The following ZNF574 variants were observed in gnomAD, a reference collection of about 807,000 sequenced individuals.
The protein encoded by ZNF574 is zinc finger protein 574.
A neutral mutation model predicts 56.6 loss-of-function variants in ZNF574; 25 were observed. The ratio of observed to expected loss-of-function variants is 0.44; its 90% confidence interval spans 0.32 to 0.62. The LOEUF (loss-of-function observed/expected upper bound fraction) is 0.62. ZNF574 is among the 20% of genes least tolerant of loss of function. The pLI is 0.04. For missense variants in ZNF574, 1,065 were observed against 1,218.9 expected (o/e 0.87, Z 1.88); for synonymous variants, 543 against 492.1 (o/e 1.10, Z -1.37).
At chr19:42,073,301 A>T (rs775681779), upstream of ZNF574, among the ~76,000 whole-genome samples, 7 of 152,196 alleles carry the variant, frequency 4.6e-5, no homozygotes, top group Non-Finnish European at 1.0e-4. Context: ...AAACTGAGTA[A>T]TGCATGTAAG....
chr19:42,074,539 C>G (rs1284152305), upstream of ZNF574: 3 of 152,102 alleles, frequency 2.0e-5, no homozygotes, highest in Non-Finnish European at 2.9e-5. Flanking sequence ...CTTTTACTCT[C>G]TGCCTCACAT....
chr19:42,071,490 C>A (rs886725747), upstream of ZNF574, among the ~76,000 whole-genome samples: 1 of 152,142 alleles, frequency 6.6e-6, no homozygotes, highest in African/African-American at 2.4e-5. Context: ...CAGCCCAGCA[C>A]AGGAAGCCCT....
rs773060350 is a variant in ZNF574, at chr19:42,079,873, ACAC to A, written c.1270_1272del (p.Pro424del). On this transcript the variant is annotated inframe_deletion, in exon 2 of 2. Coordinates refer to ENST00000359044, the MANE Select transcript of ZNF574 (RefSeq NM_022752.6). This position sits in a 1 kb window ranked among gnomAD's most constrained non-coding sequence, Gnocchi z 4.3. The stretch of plus-strand genomic sequence containing the variant: ...GGTAGGGGGTGTCCCTCTGCCCACA[ACAC>A]CAGTCCCACCAGAGGAACCTGTCAT... 8 of 1,614,062 alleles carry A rather than the reference ACAC, an allele frequency of 5.0e-6. No homozygotes were observed. In the East Asian group the frequency reaches 1.8e-4, roughly 36 times the overall value.
rs1236182612 is a variant in ZNF574 at position 42,080,748 on chromosome 19, A to G, written c.2142A>G (p.Pro714=). 2.5e-6 allele frequency: 4 copies of G among 1,613,886 alleles called. No individual in the cohort carries two copies. The highest frequency in any genetic ancestry group is 3.4e-6 in the Non-Finnish European group (4 of 1,180,022). ...GAGCCCCACGGGCCACTCGTGCACC[A>G]GTTGCCTCTCCAGCAGCCCTTGGAA... The part of the protein sequence containing the change: ...APRAPRATRA[P]VASPAALGST... Residue 714 remains proline, a synonymous_variant, in exon 2 of 2, where the codon CCA becomes CCG. Coordinates refer to ENST00000359044, the MANE Select transcript of ZNF574 (RefSeq NM_022752.6). This position sits in a 1 kb window ranked among gnomAD's most constrained non-coding sequence, Gnocchi z 8.5.
rs747779543 is a variant in ZNF574 at position 42,080,949 on chromosome 19, G to A, written c.2343G>A (p.Leu781=). 8.1e-6 allele frequency: 13 copies of A among 1,614,016 alleles called. No individual in the cohort carries two copies. The African/African-American group carries it at 1.6e-4, about 20-fold the overall frequency. ...AAGCGTTCCGTCAGAGTACCCACCT[G>A]AAAGACCACCGGCGCCTGCACACAG... ...CGKAFRQSTH[L]KDHRRLHTGE... Residue 781 remains leucine (L), a synonymous_variant, in exon 2 of 2, where the codon CTG becomes CTA. Transcript: ENST00000359044. The surrounding 1 kb of genome is among the most constrained non-coding windows in gnomAD (Gnocchi z 8.5).
Position 42,079,015 on chromosome 19 carries a change from A to G in ZNF574, c.409A>G (p.Ser137Gly), listed in dbSNP as rs1330819143. ...TGTGGATTGCAAGGCTCTCTTTGCCAGCCAGGAGCTCTGGCTGAACCACCG... is the reference window on the plus strand; with the variant it reads ...TGTGGATTGCAAGGCTCTCTTTGCCGGCCAGGAGCTCTGGCTGAACCACCG... ...ECVDCKALFASQELWLNHRQT... is the reference protein window; with the variant it reads ...ECVDCKALFAGQELWLNHRQT... The change falls in exon 2 of 2, where the codon AGC (serine) becomes GGC (glycine). Residue 137 changes from serine (S) to glycine (G), a missense_variant. Transcript: ENST00000359044. The surrounding 1 kb of genome is among the most constrained non-coding windows in gnomAD (Gnocchi z 4.3). The G allele has an allele frequency of 6.2e-7, 1 of 1,614,024 alleles. No individual in the cohort carries two copies. The highest frequency in any genetic ancestry group is 8.5e-7 in the Non-Finnish European group (1 of 1,180,014).
upstream of ZNF574, among the ~76,000 whole-genome samples, chr19:42,075,836 G>C (rs565722838): frequency 1.8e-4 from 27 of 152,208 alleles, no homozygotes; most frequent in East Asian, 5.2e-3. Context: ...GCGCTCCGCC[G>C]CCTAACGTCA....
exon 1 of ZNF574, chr19:42,068,926 G>T: frequency 1.5e-6 from 1 of 664,270 alleles, no homozygotes; most frequent in Non-Finnish European, 2.7e-6. Context: ...CGGAGGCTTG[G>T]AGACAGCAGG....
rs1231454181 is a variant in ZNF574 at position 42,081,304 on chromosome 19, C to G, written c.*7C>G. 1 of 1,614,074 alleles carries G rather than the reference C, an allele frequency of 6.2e-7. No individual in the cohort carries two copies. Among genetic ancestry groups the G allele is most frequent in the Non-Finnish European group, 8.5e-7 (1 of 1,180,022 alleles). On this transcript the variant is annotated 3_prime_UTR_variant, in exon 2 of 2. Transcript: ENST00000359044. ...GGTCCAGATCAGTGGCTGACTCTGC[C>G]CGACTTCCTCTTTGGCACCTCCATT...
chr19:42,081,148 C>T lies in ZNF574; in HGVS notation c.2542C>T (p.His848Tyr). 1 of 1,614,152 alleles carries T rather than the reference C, an allele frequency of 6.2e-7. No homozygotes were observed. Among genetic ancestry groups the T allele is most frequent in the Admixed American group, 1.7e-5 (1 of 60,032 alleles). The change falls in exon 2 of 2, where the codon CAT becomes TAT. Residue 848 changes from histidine to tyrosine, a missense_variant. By Grantham distance (83) the His-to-Tyr change is moderately conservative. Transcript: ENST00000359044. ...GCACCGCAAGACCCATCAGCAGCAG[C>T]ATCAGGCAGCTGTGCGGCAGCAGCT... ...WKHRKTHQQQ[H>Y]QAAVRQQLAE... is the part of the protein sequence containing the mutation.
At position 42,080,829 on chromosome 19, in the gene ZNF574, C is replaced by T. The variant is rs772760555; in HGVS notation, c.2223C>T (p.Ser741=). The stretch of plus-strand genomic sequence containing the variant: ...CCCGCCGCCGGGGTCTAGAGTGCAG[C>T]GAGTGCAAGAAGCTGTTCAGCACAG... ...APARRRGLEC[S]ECKKLFSTET... Residue 741 remains serine (S), a synonymous_variant, in exon 2 of 2, where the codon AGC becomes AGT. Transcript: ENST00000359044. The surrounding 1 kb of genome is among the most constrained non-coding windows in gnomAD (Gnocchi z 8.5). 35 of 1,613,956 alleles carry T rather than the reference C, an allele frequency of 2.2e-5. No individual in the cohort carries two copies. The highest frequency in any genetic ancestry group is 6.7e-5 in the East Asian group (3 of 44,884).
At position 42,080,137 on chromosome 19, in the gene ZNF574, C is replaced by T. The variant is rs373082867; in HGVS notation, c.1531C>T (p.Arg511Cys). 10 of 1,614,060 alleles carry T rather than the reference C, an allele frequency of 6.2e-6. No individual in the cohort carries two copies. Among genetic ancestry groups the T allele is most frequent in the African/African-American group, 4.0e-5 (3 of 75,054 alleles). The change falls in exon 2 of 2, where the codon CGT (arginine) becomes TGT (cysteine). Residue 511 changes from arginine to cysteine, a missense_variant. Physicochemically the swap from Arg to Cys is radical, Grantham distance 180 (BLOSUM62 -3). Coordinates refer to ENST00000359044, the MANE Select transcript of ZNF574 (RefSeq NM_022752.6). This position sits in a 1 kb window ranked among gnomAD's most constrained non-coding sequence, Gnocchi z 8.5. ...GATGTTCAAGAAGAAGTCTCACGTGCGTAACCACCTGCGCACACACACAGG... is the reference window on the plus strand; with the variant it reads ...GATGTTCAAGAAGAAGTCTCACGTGTGTAACCACCTGCGCACACACACAGG... ...GKMFKKKSHV[R>C]NHLRTHTGER... is the part of the protein sequence containing the mutation.
Position 42,079,242 on chromosome 19 carries a change from C to G in ZNF574, c.636C>G (p.Leu212=), listed in dbSNP as rs1327267891. 2.5e-6 allele frequency: 4 copies of G among 1,614,106 alleles called. No individual in the cohort carries two copies. The highest frequency in any genetic ancestry group is 1.3e-5 in the African/African-American group (1 of 75,036). The change falls in exon 2 of 2, where the codon CTC becomes CTG. Residue 212 remains leucine, a synonymous_variant. Transcript: ENST00000359044. The surrounding 1 kb of genome is among the most constrained non-coding windows in gnomAD (Gnocchi z 4.3). ...TTEVVTEVEL[L]LYKCSECSQL... is the part of the protein sequence containing the mutation. ...AGGTAGTGACTGAGGTGGAGCTGCT[C>G]CTCTACAAGTGCTCTGAGTGCTCCC...
Position 42,081,513 on chromosome 19 carries a change from C to T in ZNF574, c.*216C>T. On this transcript the variant is annotated 3_prime_UTR_variant, in exon 2 of 2. Transcript: ENST00000359044. Reference sequence around the variant, plus strand: ...CCTTCCACCTCTTAGCACTGGTGACCCCAAAAATGAAACCATCAATAAAGA... The same window carrying T: ...CCTTCCACCTCTTAGCACTGGTGACTCCAAAAATGAAACCATCAATAAAGA... The T allele has an allele frequency of 1.6e-6, 1 of 634,332 alleles. No homozygotes were observed. The highest frequency in any genetic ancestry group is 1.9e-5 in the South Asian group (1 of 51,580). 39.3% of individuals were successfully genotyped at this position (634,332 alleles called of 1,614,324 possible). A position where few individuals can be genotyped will look rare whatever the true frequency, so the allele number is the denominator to read the frequency against.
chr19:42,074,338 A>C (rs973185361), upstream of ZNF574, among the ~76,000 whole-genome samples: 7 of 136,854 alleles, frequency 5.1e-5, no homozygotes, highest in African/African-American at 1.7e-4. Context: ...GCCTGTAGTC[A>C]CAGGTACTCA....
Position 42,080,897 on chromosome 19 carries a change from G to A in ZNF574, c.2291G>A (p.Arg764Gln), listed in dbSNP as rs1439809264. 4 of 1,613,990 alleles carry A rather than the reference G, an allele frequency of 2.5e-6. No individual in the cohort carries two copies. Among genetic ancestry groups the A allele is most frequent in the African/African-American group, 2.7e-5 (2 of 74,922 alleles). The change falls in exon 2 of 2, where the codon CGG (arginine) becomes CAG (glutamine). Residue 764 changes from arginine (R) to glutamine (Q), a missense_variant. Transcript: ENST00000359044. The surrounding 1 kb of genome is among the most constrained non-coding windows in gnomAD (Gnocchi z 8.5). ...CACCGGCGCATCCACACAGGTGAGC[G>A]GCCATACCCATGTCCAGACTGTGGC... is the stretch of plus-strand genomic sequence containing the variant. ...QVHRRIHTGERPYPCPDCGKA... is the reference protein window; with the variant it reads ...QVHRRIHTGEQPYPCPDCGKA...
chr19:42,073,121 G>C (rs1386190856), upstream of ZNF574, among the ~76,000 whole-genome samples: 1 of 152,292 alleles, frequency 6.6e-6, no homozygotes, highest in South Asian at 2.1e-4. Flanking sequence ...CTTCCTGCCT[G>C]GCAGGCAGGT....
Position 42,079,102 on chromosome 19 carries a change from G to A in ZNF574, c.496G>A (p.Val166Ile). 2 of 1,614,154 alleles carry A rather than the reference G, an allele frequency of 1.2e-6. 1 individual carries two copies. Among genetic ancestry groups the A allele is most frequent in the South Asian group, 2.2e-5 (2 of 91,080 alleles). ...APAPVVLGSP[V>I]VLGPPVGQAR... ...TGCCCCTGTTGTCCTGGGGTCCCCA[G>A]TTGTTCTAGGGCCTCCTGTGGGCCA... is the stretch of plus-strand genomic sequence containing the variant. The change falls in exon 2 of 2, where the codon GTT (valine) becomes ATT (isoleucine). Residue 166 changes from valine to isoleucine, a missense_variant. Physicochemically the swap from Val to Ile is conservative, Grantham distance 29 (BLOSUM62 3). Transcript: ENST00000359044. This position sits in a 1 kb window ranked among gnomAD's most constrained non-coding sequence, Gnocchi z 4.3.
chr19:42,080,384 G>A lies in ZNF574; in HGVS notation c.1778G>A (p.Arg593His), dbSNP rs1439847235. ...GGGGTGCGTTTTCACCGTCCTTACC[G>A]CCTGCTCATGCACCGCTACCATCAC... The part of the protein sequence containing the change: ...ECGVRFHRPY[R>H]LLMHRYHHTG... The change falls in exon 2 of 2, where the codon CGC becomes CAC. Residue 593 changes from arginine (R) to histidine (H), a missense_variant. Coordinates refer to ENST00000359044, the MANE Select transcript of ZNF574 (RefSeq NM_022752.6). The surrounding 1 kb of genome is among the most constrained non-coding windows in gnomAD (Gnocchi z 8.5). 3 of 1,614,204 alleles carry A rather than the reference G, an allele frequency of 1.9e-6. No individual in the cohort carries two copies. The highest frequency in any genetic ancestry group is 2.2e-5 in the South Asian group (2 of 91,092).
Sources: gnomAD v4.1 joint callset for allele counts (sites outside exome capture counted in the v4.1 genomes callset) on GRCh38, gnomAD v4.1.1 for gene constraint, Gnocchi (gnomAD v3.1) non-coding constraint, MANE v1.5 for transcripts, NCBI Gene and HGNC (gene_info 2026-07-23, HGNC 2026-07-21) for gene names.